Variants in PLA1A observed in about 807,000 individuals in gnomAD.
PLA1A encodes the protein phospholipase A1 member A, also known as phosphatidylserine-specific phospholipase A1alpha.
A neutral mutation model predicts 49.4 loss-of-function variants in PLA1A; 47 were observed. The ratio of observed to expected loss-of-function variants is 0.95; its 90% CI spans 0.75 to 1.21. PLA1A has a LOEUF of 1.21. Among genes scored for constraint, PLA1A ranks in the 50% most tolerant of loss-of-function variants. The pLI is 0.00. For synonymous variants in PLA1A, 224 were observed against 207.9 expected (o/e 1.08, Z -0.67); for missense variants, 561 against 563.9 (o/e 0.99, Z 0.05).
intron 1 of PLA1A, among the ~76,000 whole-genome samples, chr3:119,606,023 G>A (rs577370461): frequency 1.3e-5 from 2 of 152,316 alleles, no homozygotes; most frequent in African/African-American, 4.8e-5. Flanking sequence ...CCTTCCAGGA[G>A]GGAGTGTTCA....
chr3:119,626,939 T>C (rs2052547386), intron 9 of PLA1A, among the ~76,000 whole-genome samples: 2 of 152,320 alleles, frequency 1.3e-5, no homozygotes, highest in East Asian at 3.9e-4. Flanking sequence ...CATCATCTTC[T>C]AGCCCATTGG....
Position 119,625,152 on chromosome 3 carries a change from G to A in PLA1A, c.1041G>A (p.Leu347=), listed in dbSNP as rs1313014987. 5.6e-6 allele frequency: 9 copies of A among 1,613,358 alleles called. No individual in the cohort carries two copies. The highest frequency in any genetic ancestry group is 7.6e-6 in the Non-Finnish European group (9 of 1,179,466). ...CMHHSLVEFH[L]KELRNKDTNI... is the part of the protein sequence containing the mutation. The stretch of plus-strand genomic sequence containing the variant: ...ATCACAGCCTCGTGGAGTTTCACTT[G>A]AAGGAACTGAGAAACAAGGACACCA... Residue 347 remains leucine (L), a synonymous_variant, in exon 9 of 11, where the codon TTG becomes TTA. Transcript: ENST00000273371.
At chr3:119,610,766 G>C (rs1215691735) in intron 4 of PLA1A, among the ~76,000 whole-genome samples, 2 of 152,112 alleles carry the variant, frequency 1.3e-5, no homozygotes, top group Non-Finnish European at 2.9e-5. Flanking sequence ...TAGGTTGTCT[G>C]TTTACTCCAT....
At position 119,629,548 on chromosome 3, in the gene PLA1A, A is replaced by G; in HGVS notation, c.*80A>G. On this transcript the variant is annotated 3_prime_UTR_variant, in exon 11 of 11. Transcript: ENST00000273371. ...GGTGTGATGAGGGATGTGTGTGTGC[A>G]GCTTATTGTAGACCATTACTACTAA... is the stretch of plus-strand genomic sequence containing the variant. The G allele has an allele frequency of 3.9e-6, 3 of 775,538 alleles. No homozygotes were observed. In the South Asian group the frequency reaches 4.2e-5, roughly 11 times the overall value. The allele number at this position is 775,538 out of a possible 1,614,324, so 48.0% of individuals were successfully genotyped here.
chr3:119,603,341 C>T (rs1560076365), intron 1 of PLA1A, among the ~76,000 whole-genome samples: 1 of 152,090 alleles, frequency 6.6e-6, no homozygotes, highest in Non-Finnish European at 1.5e-5. Context: ...GATGGTCAAG[C>T]CAACAGAACT....
At chr3:119,598,898 C>T (rs1326582903) in intron 1 of PLA1A, among the ~76,000 whole-genome samples, 1 of 152,198 alleles carries the variant, frequency 6.6e-6, no homozygotes, top group Middle Eastern at 3.2e-3. Flanking sequence ...GCTCTCCTTG[C>T]ACTCATGGGT....
intron 1 of PLA1A, among the ~76,000 whole-genome samples, chr3:119,603,145 GCA>G (rs373566087): frequency 2.8e-4 from 42 of 149,730 alleles, no homozygotes; most frequent in African/African-American, 1.0e-3. Flanking sequence ...GGAGACTTTT[GCA>G]CAGAGATGTA....
chr3:119,616,441 G>A (rs1460076838), intron 6 of PLA1A, among the ~76,000 whole-genome samples: 1 of 152,114 alleles, frequency 6.6e-6, no homozygotes, highest in African/African-American at 2.4e-5. Flanking sequence ...CTCTAAAATT[G>A]TTTTCAAGAT....
rs1445137246 is a variant in PLA1A, at chr3:119,609,694, A to G, written c.562+118A>G. 1.1e-5 allele frequency: 6 copies of G among 542,006 alleles called. No individual in the cohort carries two copies. The East Asian group carries it at 1.9e-4, about 17-fold the overall frequency. The allele number at this position is 542,006 out of a possible 1,614,324, so 33.6% of individuals were successfully genotyped here. ...GAGCCTTTGTTCTCACGATCAAGTC[A>G]CCTATTACCACTAAAATTTATTTAT... On this transcript the variant is annotated intron_variant, in intron 4 of 10. Transcript: ENST00000273371.
At chr3:119,618,464 C>T (rs2082883609) in intron 7 of PLA1A, among the ~76,000 whole-genome samples, 1 of 152,202 alleles carries the variant, frequency 6.6e-6, no homozygotes, top group Non-Finnish European at 1.5e-5. Flanking sequence ...CAGATGCTGC[C>T]TATAGGTCTT....
At position 119,626,319 on chromosome 3, in the gene PLA1A, A is replaced by C. The variant is rs980334638; in HGVS notation, c.1121+1087A>C. On this transcript the variant is annotated intron_variant, in intron 9 of 10. Transcript: ENST00000273371. ...GGTGGGGGAACCTGCAGGGGAATAG[A>C]TCAGTCCAGAGCAAACAGGGAAATG... 4.6e-5 allele frequency among the ~76,000 whole-genome samples: 7 copies of C among 152,192 alleles called. No individual in the cohort carries two copies. The East Asian group carries it at 1.2e-3, about 25-fold the overall frequency.
chr3:119,615,156 G>A (rs1252290126), intron 5 of PLA1A, among the ~76,000 whole-genome samples: 1 of 152,212 alleles, frequency 6.6e-6, no homozygotes, highest in Non-Finnish European at 1.5e-5. Context: ...AATACTGACA[G>A]ATGACAGAAG....
intron 9 of PLA1A, 90 bp downstream of exon 9, chr3:119,625,322 G>C: frequency 1.2e-6 from 1 of 826,488 alleles, no homozygotes; most frequent in Non-Finnish European, 2.0e-6. Flanking sequence ...GTCAGGGACT[G>C]TGTGATTGCT....
intron 9 of PLA1A, 111 bp from the exon 10 acceptor site, chr3:119,628,590 T>C (rs1454694447): frequency 5.6e-6 from 5 of 894,136 alleles, no homozygotes; most frequent in African/African-American, 5.0e-5. Flanking sequence ...GCTAACCCCT[T>C]GGTGCATGAC....
chr3:119,621,557 T>A (rs928393719), intron 8 of PLA1A, among the ~76,000 whole-genome samples: 1 of 152,268 alleles, frequency 6.6e-6, no homozygotes, highest in Non-Finnish European at 1.5e-5. Context: ...GTGCCAGGCA[T>A]GCGCCAGCAT....
rs759215857 is a variant in PLA1A, at chr3:119,619,581, G to A, written c.941G>A (p.Gly314Asp). Reference protein sequence around the residue: ...CPRIGLVEQGGVKIEPLPKEV... With the variant: ...CPRIGLVEQGDVKIEPLPKEV... Reference sequence around the variant, plus strand: ...TTTCCAGGACTGGTGGAACAAGGTGGTGTCAAGATAGAGCCGCTCCCCAAG... The same window carrying A: ...TTTCCAGGACTGGTGGAACAAGGTGATGTCAAGATAGAGCCGCTCCCCAAG... The change falls in exon 8 of 11, where the codon GGT (glycine) becomes GAT (aspartate). Residue 314 changes from glycine (G) to aspartate (D), a missense_variant. Coordinates refer to ENST00000273371, the MANE Select transcript of PLA1A (RefSeq NM_015900.4). The A allele has an allele frequency of 8.1e-6, 13 of 1,613,394 alleles. No individual in the cohort carries two copies. The highest frequency in any genetic ancestry group is 4.0e-5 in the African/African-American group (3 of 74,906).
chr3:119,608,573 C>A (rs2082725150), intron 2 of PLA1A, among the ~76,000 whole-genome samples, 197 bp from the exon 3 acceptor site: 1 of 152,212 alleles, frequency 6.6e-6, no homozygotes, highest in Non-Finnish European at 1.5e-5. Context: ...ACAAAGACTG[C>A]ATATGTGCTG....
In PLA1A at chr3:119,609,591, T is replaced by C. The variant is rs373608102; in HGVS notation, c.562+15T>C. The C allele has an allele frequency of 3.9e-5, 53 of 1,361,076 alleles. No individual in the cohort carries two copies. In the Middle Eastern group the frequency reaches 5.4e-4, roughly 14 times the overall value. The allele number at this position is 1,361,076 out of a possible 1,614,324, so 84.3% of individuals were successfully genotyped here. On this transcript the variant is annotated intron_variant, in intron 4 of 10. Transcript: ENST00000273371. ...ACAGATCACAGGTAACATTCCTCCC[T>C]GCCCATCCTCCAGGCTTTAGAGATA... is the stretch of plus-strand genomic sequence containing the variant.
At chr3:119,602,529 C>G (rs1157925831) in intron 1 of PLA1A, among the ~76,000 whole-genome samples, 1 of 151,962 alleles carries the variant, frequency 6.6e-6, no homozygotes. Context: ...TTTAACTTCC[C>G]TTTGTTCTGT....
Sources: allele counts gnomAD v4.1 joint callset (sites outside exome capture counted in the v4.1 genomes callset), GRCh38; gene constraint gnomAD v4.1.1; transcripts MANE v1.5; gene names NCBI Gene and HGNC (gene_info 2026-07-23, HGNC 2026-07-21).